The following ADAMTSL1 variants were observed in gnomAD, a reference collection of about 807,000 sequenced individuals.
ADAMTSL1 encodes ADAMTS like 1.
A neutral mutation model predicts 201.8 loss-of-function variants in ADAMTSL1; 126 were observed. The ratio of observed to expected loss-of-function variants is 0.62; its 90% CI spans 0.54 to 0.72. ADAMTSL1 has a LOEUF of 0.72. ADAMTSL1 is among the 30% of genes least tolerant of loss of function. The pLI is 0.00. For synonymous variants in ADAMTSL1, 1,121 were observed against 903.4 expected (o/e 1.24, Z -4.32); for missense variants, 2,679 against 2,277.8 (o/e 1.18, Z -3.59).
At chr9:18,686,648 A>G (rs1830858567) in intron 13 of ADAMTSL1, among the ~76,000 whole-genome samples, 2 of 152,268 alleles carry the variant, frequency 1.3e-5, no homozygotes, top group African/African-American at 2.4e-5. Context: ...CCCCTTGTAC[A>G]CTGTATTTTG....
chr9:18,684,925 G>C (rs1193220004), intron 13 of ADAMTSL1, 125 bp downstream of exon 13: 21 of 1,391,282 alleles, frequency 1.5e-5, no homozygotes, highest in East Asian at 5.3e-5. Flanking sequence ...AAGCTTTTTG[G>C]CTCTCAAATT....
At chr9:18,229,789 G>A (rs760861035) in intron 2 of ADAMTSL1, among the ~76,000 whole-genome samples, 26 of 151,572 alleles carry the variant, frequency 1.7e-4, no homozygotes, top group Non-Finnish European at 2.5e-4. Flanking sequence ...TCCACCTCCC[G>A]GGTTCAAGCA....
upstream of ADAMTSL1, among the ~76,000 whole-genome samples, chr9:18,470,425 T>C (rs1821161229): frequency 6.6e-6 from 1 of 152,220 alleles, no homozygotes; most frequent in Non-Finnish European, 1.5e-5. Flanking sequence ...CCTTACTTTA[T>C]TTTTCAGAAT....
intron 4 of ADAMTSL1, among the ~76,000 whole-genome samples, chr9:18,598,714 CTG>C (rs769512152): frequency 6.6e-5 from 10 of 152,184 alleles, no homozygotes; most frequent in Non-Finnish European, 1.2e-4. Context: ...TGCAAACCCA[CTG>C]CACCTGCACA....
chr9:18,818,184 G>A (rs942531717), intron 21 of ADAMTSL1, among the ~76,000 whole-genome samples: 5 of 152,148 alleles, frequency 3.3e-5, no homozygotes, highest in Non-Finnish European at 5.9e-5. Context: ...AGAAATGAAT[G>A]GTTCTTGTGC....
At chr9:18,160,638 T>C (rs1827344367) in intron 1 of ADAMTSL1, among the ~76,000 whole-genome samples, 1 of 151,794 alleles carries the variant, frequency 6.6e-6, no homozygotes, top group Non-Finnish European at 1.5e-5. Flanking sequence ...GGTCTGAGCA[T>C]GGGAAATACA....
chr9:18,226,240 C>G (rs1482322399), intron 2 of ADAMTSL1, among the ~76,000 whole-genome samples: 1 of 152,082 alleles, frequency 6.6e-6, no homozygotes, highest in African/African-American at 2.4e-5. Flanking sequence ...AGTTGTATTG[C>G]TGATCTTGGA....
chr9:18,300,316 G>A (rs530138221), intron 2 of ADAMTSL1, among the ~76,000 whole-genome samples: 3 of 152,238 alleles, frequency 2.0e-5, no homozygotes, highest in South Asian at 4.1e-4. Context: ...TTGCAGGGAC[G>A]TGGATGAAGC....
intron 8 of ADAMTSL1, among the ~76,000 whole-genome samples, chr9:18,659,154 C>A (rs1254854781): frequency 6.6e-6 from 1 of 152,116 alleles, no homozygotes; most frequent in African/African-American, 2.4e-5. Context: ...ATAGCTAATC[C>A]ACAGAAGTAT....
intron 2 of ADAMTSL1, among the ~76,000 whole-genome samples, chr9:18,211,827 A>G (rs1035163743): frequency 6.6e-6 from 1 of 152,182 alleles, no homozygotes; most frequent in African/African-American, 2.4e-5. Context: ...AGATAGTGAA[A>G]CTTACACATT....
Position 18,776,933 on chromosome 9 carries a change from C to T in ADAMTSL1, c.2704C>T (p.Arg902Cys), listed in dbSNP as rs201965139. 126 of 1,601,890 alleles carry T rather than the reference C, an allele frequency of 7.9e-5. 1 individual carries two copies. The African/African-American group carries it at 1.3e-3, about 17-fold the overall frequency. The change falls in exon 19 of 29, where the codon CGC becomes TGC. Residue 902 changes from arginine (R) to cysteine (C), a missense_variant. By Grantham distance (180) the Arg-to-Cys change is radical. Transcript: ENST00000380548. Reference sequence around the variant, plus strand: ...GGCGGTGGTGCTGCGCTGCCCGGCGCGCAGGGTCCGCAAGCCCCTCATCAC... The same window carrying T: ...GGCGGTGGTGCTGCGCTGCCCGGCGTGCAGGGTCCGCAAGCCCCTCATCAC... ...KTAVVLRCPA[R>C]RVRKPLITWE...
chr9:18,123,210 A>G (rs1277475173), intron 1 of ADAMTSL1, among the ~76,000 whole-genome samples: 3 of 152,196 alleles, frequency 2.0e-5, no homozygotes, highest in Admixed American at 6.5e-5. Context: ...AGCATATTTC[A>G]TCTTCCAGAT....
Position 17,945,887 on chromosome 9 carries a change from A to C in ADAMTSL1, c.87+38965A>C, listed in dbSNP as rs1275473258. Among the ~76,000 whole-genome samples, 8 of 151,434 alleles carry C rather than the reference A, an allele frequency of 5.3e-5. No homozygotes were observed. In the East Asian group the frequency reaches 1.6e-3, roughly 30 times the overall value. ...TGCTAAATGACGAGTTAATGGGTGC[A>C]GCACACCAGCATGGCACATGTATAC... is the stretch of plus-strand genomic sequence containing the variant. On this transcript the variant is annotated intron_variant, in intron 1 of 29. Coordinates refer to the ADAMTSL1 transcript ENST00000680146.
At chr9:18,875,742 T>G (rs975158526) in intron 23 of ADAMTSL1, among the ~76,000 whole-genome samples, 1 of 152,222 alleles carries the variant, frequency 6.6e-6, no homozygotes, top group Non-Finnish European at 1.5e-5. Flanking sequence ...GGGTAGAATA[T>G]TCTACAAATA....
At chr9:18,490,292 G>A (rs575757920) in intron 1 of ADAMTSL1, among the ~76,000 whole-genome samples, 4 of 152,142 alleles carry the variant, frequency 2.6e-5, no homozygotes, top group Admixed American at 2.0e-4. Context: ...AAGCTACACA[G>A]CAGAAGCAGA....
At chr9:18,644,239 C>G (rs1190925622) in intron 7 of ADAMTSL1, among the ~76,000 whole-genome samples, 4 of 151,756 alleles carry the variant, frequency 2.6e-5, no homozygotes, top group Admixed American at 2.0e-4. Flanking sequence ...TGCAACTTTA[C>G]TGAATTTATT....
At chr9:18,319,543 C>G (rs1834539476) in intron 2 of ADAMTSL1, among the ~76,000 whole-genome samples, 1 of 152,120 alleles carries the variant, frequency 6.6e-6, no homozygotes, top group Non-Finnish European at 1.5e-5. Flanking sequence ...TACGTAAACT[C>G]TCAAAAGATA....
intron 4 of ADAMTSL1, among the ~76,000 whole-genome samples, chr9:18,600,310 A>G (rs1824556760): frequency 6.6e-6 from 1 of 152,210 alleles, no homozygotes; most frequent in Non-Finnish European, 1.5e-5. Context: ...CAAGTACTTA[A>G]CATGCTATTT....
intron 9 of ADAMTSL1, among the ~76,000 whole-genome samples, chr9:18,663,080 G>A (rs887096195): frequency 1.3e-5 from 2 of 152,164 alleles, no homozygotes; most frequent in Admixed American, 6.5e-5. Flanking sequence ...GGGCAATGTC[G>A]ATGCAAATCA....
Sources: gnomAD v4.1 joint callset for allele counts (sites outside exome capture counted in the v4.1 genomes callset) on GRCh38, gnomAD v4.1.1 for gene constraint, MANE v1.5 for transcripts, NCBI Gene and HGNC (gene_info 2026-07-23, HGNC 2026-07-21) for gene names.